GALNT2: variants seen among roughly 807,000 people sequenced by gnomAD.
The protein encoded by GALNT2 is UDP-GalNAc:polypeptide N-acetylgalactosaminyltransferase 2.
GALNT2 carries 31 observed loss-of-function variants against 81.4 expected under a neutral mutation model. The ratio of observed to expected loss-of-function variants is 0.38; its 90% CI spans 0.29 to 0.51. The LOEUF is 0.51. Among genes scored for constraint, GALNT2 ranks in the 20% least tolerant of loss-of-function variants. GALNT2 has a pLI of 0.87. For missense variants in GALNT2, 629 were observed against 765.7 expected, an observed-to-expected ratio of 0.82 and a Z score of 2.11; for synonymous variants, 303 against 287.4, an observed-to-expected ratio of 1.05 and a Z score of -0.55.
upstream of GALNT2, chr1:230,067,219 C>A: frequency 9.0e-7 from 1 of 1,105,716 alleles, no homozygotes; most frequent in Non-Finnish European, 1.1e-6. Flanking sequence ...CCACCGCGCC[C>A]GCGGCCGGCC....
At chr1:230,188,982 G>A (rs1181815765) in intron 2 of GALNT2, among the ~76,000 whole-genome samples, 1 of 152,046 alleles carries the variant, frequency 6.6e-6, no homozygotes, top group East Asian at 1.9e-4. Context: ...AGCGGGGGCC[G>A]GAAGAGGAGC....
At chr1:230,195,372 G>A (rs1663658419) in intron 2 of GALNT2, among the ~76,000 whole-genome samples, 1 of 152,180 alleles carries the variant, frequency 6.6e-6, no homozygotes, top group Non-Finnish European at 1.5e-5. Flanking sequence ...CTGGCAAGAG[G>A]GTTTTAGAAA....
At chr1:230,148,667 C>A (rs1203819024) in intron 1 of GALNT2, among the ~76,000 whole-genome samples, 1 of 152,074 alleles carries the variant, frequency 6.6e-6, no homozygotes, top group African/African-American at 2.4e-5. Context: ...CTCACTGCAG[C>A]CTTGATGTCC....
chr1:230,079,037 T>C (rs1407320313), intron 1 of GALNT2, among the ~76,000 whole-genome samples: 6 of 152,236 alleles, frequency 3.9e-5, no homozygotes, highest in Admixed American at 2.0e-4. Flanking sequence ...GTTCAGTCTT[T>C]CTGCCAGATT....
At chr1:230,152,756 A>G in intron 1 of GALNT2, among the ~76,000 whole-genome samples, 1 of 152,042 alleles carries the variant, frequency 6.6e-6, no homozygotes, top group East Asian at 1.9e-4. Flanking sequence ...GCCTGCGTCC[A>G]CTCTCAGGTA....
chr1:230,249,895 C>G (rs1352733658), intron 9 of GALNT2, among the ~76,000 whole-genome samples: 2 of 152,222 alleles, frequency 1.3e-5, no homozygotes, highest in South Asian at 2.1e-4. Context: ...ACACTGAATT[C>G]GCACAGCATC....
chr1:230,201,636 C>A (rs1290313126), intron 2 of GALNT2, among the ~76,000 whole-genome samples: 1 of 152,180 alleles, frequency 6.6e-6, no homozygotes, highest in East Asian at 1.9e-4. Flanking sequence ...AGAGCTGTCT[C>A]CCCCTTGCTG....
chr1:230,183,993 A>G (rs560645568), intron 2 of GALNT2, among the ~76,000 whole-genome samples: 1 of 151,978 alleles, frequency 6.6e-6, no homozygotes, highest in African/African-American at 2.4e-5. Flanking sequence ...AAAAAAGGAA[A>G]AGTTTTTATT....
chr1:230,173,820 T>C (rs1175922314), intron 1 of GALNT2, among the ~76,000 whole-genome samples: 1 of 152,092 alleles, frequency 6.6e-6, no homozygotes, highest in East Asian at 1.9e-4. Flanking sequence ...TGTATGTAAA[T>C]GTATGGGAGG....
At chr1:230,160,062 C>G (rs1662383916) in intron 1 of GALNT2, among the ~76,000 whole-genome samples, 1 of 152,216 alleles carries the variant, frequency 6.6e-6, no homozygotes, top group African/African-American at 2.4e-5. Flanking sequence ...TTTCTGCTCA[C>G]TGATCAGACG....
chr1:230,213,087 A>G (rs1664283596), intron 3 of GALNT2, among the ~76,000 whole-genome samples: 1 of 152,182 alleles, frequency 6.6e-6, no homozygotes, highest in African/African-American at 2.4e-5. Flanking sequence ...ACTCTGGGTT[A>G]TGGTTTGGGC....
chr1:230,131,282 C>G (rs979830766), intron 1 of GALNT2, among the ~76,000 whole-genome samples: 1 of 152,046 alleles, frequency 6.6e-6, no homozygotes, highest in African/African-American at 2.4e-5. Flanking sequence ...TAATTTCTTT[C>G]TGAGAGGCCT....
At chr1:230,221,961 CCTTA>C (rs1165266379) in intron 3 of GALNT2, among the ~76,000 whole-genome samples, 1 of 151,338 alleles carries the variant, frequency 6.6e-6, no homozygotes, top group Non-Finnish European at 1.5e-5. Flanking sequence ...GGTTTCTCCT[CCTTA>C]CTTCTGTCTT....
chr1:230,178,256 C>T lies in GALNT2; in HGVS notation c.165C>T (p.Asp55=), dbSNP rs1255488508. ...AAATTGACCCCATTAAAAAGAAAGACCTTCATCACAGCAATGGAGAAGAGA... is the reference window on the plus strand; with the variant it reads ...AAATTGACCCCATTAAAAAGAAAGATCTTCATCACAGCAATGGAGAAGAGA... The part of the protein sequence containing the change: ...WNEIDPIKKK[D]LHHSNGEEKA... Residue 55 remains aspartate (D), a synonymous_variant, in exon 2 of 16, where the codon GAC becomes GAT. Transcript: ENST00000366672. 11 of 1,614,018 alleles carry T rather than the reference C, an allele frequency of 6.8e-6. No homozygotes were observed. The Admixed American group carries it at 1.2e-4, about 17-fold the overall frequency.
chr1:230,133,296 A>G (rs1042280666), intron 1 of GALNT2, among the ~76,000 whole-genome samples: 10 of 152,230 alleles, frequency 6.6e-5, no homozygotes, highest in African/African-American at 2.4e-4. Context: ...GGCTTTTGAT[A>G]GATGTTCTCA....
At chr1:230,185,267 TGCGTGC>T (rs1663287485) in intron 2 of GALNT2, among the ~76,000 whole-genome samples, 1 of 118,992 alleles carries the variant, frequency 8.4e-6, no homozygotes, top group Non-Finnish European at 1.6e-5. Flanking sequence ...AAACTGTGCG[TGCGTGC>T]GTGTGTGTGT....
intron 1 of GALNT2, among the ~76,000 whole-genome samples, chr1:230,110,920 C>G (rs1200740849): frequency 1.3e-5 from 2 of 152,118 alleles, no homozygotes; most frequent in East Asian, 3.9e-4. Context: ...ATGCTCTTCT[C>G]TTTAAGTACA....
At chr1:230,262,529 C>CAGAA (rs756132277) in intron 11 of GALNT2, 44 bp from the exon 12 acceptor site, 6 of 1,536,772 alleles carry the variant, frequency 3.9e-6, no homozygotes, top group Non-Finnish European at 5.4e-6. Context: ...GTGATGCAGA[C>CAGAA]AGAAAGAAAG....
At chr1:230,246,977 G>A (rs867556764) in intron 8 of GALNT2, among the ~76,000 whole-genome samples, 1 of 151,926 alleles carries the variant, frequency 6.6e-6, no homozygotes, top group Non-Finnish European at 1.5e-5. Flanking sequence ...AGTGGCTCAC[G>A]CTTATAATCC....
Sources: gnomAD v4.1 joint callset for allele counts (sites outside exome capture counted in the v4.1 genomes callset) on GRCh38, gnomAD v4.1.1 for gene constraint, MANE v1.5 for transcripts, NCBI Gene and HGNC (gene_info 2026-07-23, HGNC 2026-07-21) for gene names.